ACAT2: variants seen among roughly 807,000 people sequenced by gnomAD.
The protein encoded by ACAT2 is acetyl-CoA acetyltransferase, cytosolic.
A neutral mutation model predicts 37.1 loss-of-function variants in ACAT2; 26 were observed. That is an observed-to-expected ratio of 0.70 (90% CI 0.51 to 0.97). ACAT2 has a LOEUF of 0.97. Among genes scored for constraint, ACAT2 ranks in the 50% least tolerant of loss-of-function variants. ACAT2 has a pLI of 0.00. For missense variants in ACAT2, 468 were observed against 489.0 expected (o/e 0.96, Z 0.40); for synonymous variants, 156 against 163.6 (o/e 0.95, Z 0.35).
rs753161802 is a variant in ACAT2 at position 159,763,059 on chromosome 6, T to C, written c.190+6T>C. ...TGGACATGTCTTGGCAGCAGGTAAGTCTCAGTGATTCCAGGAGAAGTCAGG... is the reference window on the plus strand; with the variant it reads ...TGGACATGTCTTGGCAGCAGGTAAGCCTCAGTGATTCCAGGAGAAGTCAGG... On this transcript the variant is annotated splice_donor_region_variant and intron_variant, in intron 2 of 8. Coordinates refer to ENST00000367048, the MANE Select transcript of ACAT2 (RefSeq NM_005891.3). The C allele has an allele frequency of 1.2e-6, 2 of 1,607,160 alleles. No individual in the cohort carries two copies. The highest frequency in any genetic ancestry group is 1.7e-6 in the Non-Finnish European group (2 of 1,177,146).
chr6:159,769,198 A>C (rs1212953021), intron 4 of ACAT2, among the ~76,000 whole-genome samples: 2 of 152,240 alleles, frequency 1.3e-5, no homozygotes, highest in Non-Finnish European at 2.9e-5. Context: ...GAAAAAGGTA[A>C]TGGGGAAAAG....
Position 159,778,857 on chromosome 6 carries a change from T to G in ACAT2, c.*28T>G. On this transcript the variant is annotated 3_prime_UTR_variant, in exon 9 of 9. Coordinates refer to ENST00000367048, the MANE Select transcript of ACAT2 (RefSeq NM_005891.3). ...TGCTTAAACTTTGAACAACCTCAAT[T>G]TCTTTTTAAACTAATAAAGTACTAG... 6.2e-7 allele frequency: 1 copy of G among 1,613,654 alleles called. No homozygotes were observed. Among genetic ancestry groups the G allele is most frequent in the Non-Finnish European group, 8.5e-7 (1 of 1,179,632 alleles).
Position 159,778,973 on chromosome 6 carries a change from T to G in ACAT2, c.*144T>G. On this transcript the variant is annotated 3_prime_UTR_variant, in exon 9 of 9. Transcript: ENST00000367048. ...CAAGTTTACAGCTTGTACTTTACTT[T>G]AATGTGTAATACTCAACTCAAGGTA... 5 of 1,560,702 alleles carry G rather than the reference T, an allele frequency of 3.2e-6. No homozygotes were observed. The highest frequency in any genetic ancestry group is 4.4e-6 in the Non-Finnish European group (5 of 1,144,848).
Position 159,777,324 on chromosome 6 carries a change from T to C in ACAT2, c.780T>C (p.Ala260=), listed in dbSNP as rs1562480008. 1 of 1,613,762 alleles carries C rather than the reference T, an allele frequency of 6.2e-7. No individual in the cohort carries two copies. Among genetic ancestry groups the C allele is most frequent in the Non-Finnish European group, 8.5e-7 (1 of 1,179,872 alleles). ...NASGINDGAA[A]VVLMKKSEAD... ...CAGGAATAAATGATGGTGCTGCAGC[T>C]GTCGTTCTTATGAAGAAGTCAGAAG... The change falls in exon 7 of 9, where the codon GCT becomes GCC. Residue 260 remains alanine (A), a synonymous_variant. Coordinates refer to ENST00000367048, the MANE Select transcript of ACAT2 (RefSeq NM_005891.3).
At chr6:159,765,812 C>T (rs566323975) in intron 2 of ACAT2, among the ~76,000 whole-genome samples, 8 of 152,272 alleles carry the variant, frequency 5.3e-5, no homozygotes, top group Admixed American at 2.0e-4. Flanking sequence ...TAACCTTACC[C>T]GTTTTTAGTT....
Position 159,762,115 on chromosome 6 carries a change from ATCG to A in ACAT2, c.31_33del (p.Val11del). 1.9e-6 allele frequency: 3 copies of A among 1,612,956 alleles called. No homozygotes were observed. Among genetic ancestry groups the A allele is most frequent in the Non-Finnish European group, 8.5e-7 (1 of 1,179,522 alleles). ...GAATGCAGGCTCAGATCCTGTGGTC[ATCG>A]TCTCGGCGGCGCGGACCATCATAGG... On this transcript the variant is annotated inframe_deletion, in exon 1 of 9. Transcript: ENST00000367048.
chr6:159,773,490 T>A (rs2114982600), intron 4 of ACAT2, among the ~76,000 whole-genome samples: 1 of 152,270 alleles, frequency 6.6e-6, no homozygotes, highest in Middle Eastern at 3.4e-3. Context: ...AGGGACATGT[T>A]GAAAGCACAC....
At position 159,765,209 on chromosome 6, in the gene ACAT2, G is replaced by A. The variant is rs189591574; in HGVS notation, c.191-1796G>A. ...TGGCTCACTGCAACCTCTGCCTCCCGGGTTCCAGTGATTCTTCTGCCTCAG... is the reference window on the plus strand; with the variant it reads ...TGGCTCACTGCAACCTCTGCCTCCCAGGTTCCAGTGATTCTTCTGCCTCAG... On this transcript the variant is annotated intron_variant, in intron 2 of 8. Coordinates refer to ENST00000367048, the MANE Select transcript of ACAT2 (RefSeq NM_005891.3). Among the ~76,000 whole-genome samples the A allele has an allele frequency of 4.2e-3, 638 of 151,886 alleles. 3 individuals are homozygous for A. The highest frequency in any genetic ancestry group is 6.5e-3 in the Non-Finnish European group (444 of 67,946).
intron 3 of ACAT2, 109 bp from the exon 4 acceptor site, chr6:159,768,402 A>C (rs952737357): frequency 4.9e-6 from 4 of 813,112 alleles, no homozygotes; most frequent in Non-Finnish European, 8.3e-6. Flanking sequence ...GAAGGGCTGC[A>C]AAGGGGCCTA....
At chr6:159,777,271 T>C in intron 6 of ACAT2, 31 bp from the exon 7 acceptor site, 1 of 1,601,076 alleles carries the variant, frequency 6.2e-7, no homozygotes, top group South Asian at 1.1e-5. Flanking sequence ...TTAATAAGCA[T>C]GGTAGAAATT....
At chr6:159,767,719 C>T (rs1298432435) in intron 3 of ACAT2, among the ~76,000 whole-genome samples, 1 of 152,158 alleles carries the variant, frequency 6.6e-6, no homozygotes, top group Non-Finnish European at 1.5e-5. Context: ...AAACTATACC[C>T]CCTGCTTCCT....
At chr6:159,770,482 T>C (rs1780318038) in intron 4 of ACAT2, among the ~76,000 whole-genome samples, 1 of 152,182 alleles carries the variant, frequency 6.6e-6, no homozygotes, top group Non-Finnish European at 1.5e-5. Flanking sequence ...ATAGAAATTC[T>C]AGAACTTGCA....
chr6:159,776,183 G>A lies in ACAT2; in HGVS notation c.668G>A (p.Arg223His), dbSNP rs747254833. 13 of 1,613,792 alleles carry A rather than the reference G, an allele frequency of 8.1e-6. No individual in the cohort carries two copies. The highest frequency in any genetic ancestry group is 4.5e-5 in the East Asian group (2 of 44,890). The change falls in exon 6 of 9, where the codon CGC (arginine) becomes CAC (histidine). Residue 223 changes from arginine to histidine, a missense_variant. Coordinates refer to ENST00000367048, the MANE Select transcript of ACAT2 (RefSeq NM_005891.3). ...GAAGTTAAAACAGATGAGTTTCCTC[G>A]CCATGGGAGCAACATAGAAGCCATG... is the stretch of plus-strand genomic sequence containing the variant. ...LIEVKTDEFP[R>H]HGSNIEAMSK...
intron 4 of ACAT2, among the ~76,000 whole-genome samples, chr6:159,770,043 A>G (rs1478457353): frequency 6.6e-6 from 1 of 152,230 alleles, no homozygotes; most frequent in African/African-American, 2.4e-5. Flanking sequence ...ACATCTCAGA[A>G]AGACCACAGT....
Position 159,762,110 on chromosome 6 carries a change from T to C in ACAT2, c.23T>C (p.Val8Ala). Reference sequence around the variant, plus strand: ...AAGATGAATGCAGGCTCAGATCCTGTGGTCATCGTCTCGGCGGCGCGGACC... The same window carrying C: ...AAGATGAATGCAGGCTCAGATCCTGCGGTCATCGTCTCGGCGGCGCGGACC... MNAGSDP[V>A]VIVSAARTII... Residue 8 changes from valine (V) to alanine (A), a missense_variant, in exon 1 of 9, where the codon GTG (valine) becomes GCG (alanine). Coordinates refer to ENST00000367048, the MANE Select transcript of ACAT2 (RefSeq NM_005891.3). 1 of 1,613,062 alleles carries C rather than the reference T, an allele frequency of 6.2e-7. No homozygotes were observed. The highest frequency in any genetic ancestry group is 8.5e-7 in the Non-Finnish European group (1 of 1,179,558).
intron 5 of ACAT2, 184 bp from the exon 6 acceptor site, chr6:159,775,966 A>T: frequency 1.7e-6 from 1 of 599,892 alleles, no homozygotes; most frequent in South Asian, 2.1e-5. Flanking sequence ...ACATACTCAT[A>T]AATTGTTTTC....
At chr6:159,778,423 T>TAAAA (rs1562480807) in intron 8 of ACAT2, 143 bp downstream of exon 8, 21 of 84,146 alleles carry the variant, frequency 2.5e-4, no homozygotes, top group South Asian at 2.3e-3. Context: ...TTCCCAAGGT[T>TAAAA]TAAAAAAAAA....
In ACAT2 at chr6:159,776,152, C is replaced by G. The variant is rs753830639; in HGVS notation, c.637C>G (p.Leu213Val). The G allele has an allele frequency of 3.1e-6, 5 of 1,613,586 alleles. No individual in the cohort carries two copies. Among genetic ancestry groups the G allele is most frequent in the Non-Finnish European group, 3.4e-6 (4 of 1,179,824 alleles). Residue 213 changes from leucine (L) to valine (V), a missense_variant and splice_region_variant, in exon 6 of 9, where the codon CTT (leucine) becomes GTT (valine). Transcript: ENST00000367048. The stretch of plus-strand genomic sequence containing the variant: ...GTAATTGGTTTTCCTTTGCTTAGGT[C>G]TTATTGAAGTTAAAACAGATGAGTT... ...VPVLVSTRKG[L>V]IEVKTDEFPR...
At position 159,777,285 on chromosome 6, in the gene ACAT2, T is replaced by A; in HGVS notation, c.758-17T>A. 2 of 1,606,654 alleles carry A rather than the reference T, an allele frequency of 1.2e-6. No individual in the cohort carries two copies. Among genetic ancestry groups the A allele is most frequent in the Non-Finnish European group, 1.7e-6 (2 of 1,176,970 alleles). ...GTTAATAAGCATGGTAGAAATTAAG[T>A]CACTCATATTTTACAGGAATAAATG... On this transcript the variant is annotated splice_polypyrimidine_tract_variant and intron_variant, in intron 6 of 8. Coordinates refer to ENST00000367048, the MANE Select transcript of ACAT2 (RefSeq NM_005891.3).
Sources: gnomAD v4.1 joint callset for allele counts (sites outside exome capture counted in the v4.1 genomes callset) on GRCh38, gnomAD v4.1.1 for gene constraint, MANE v1.5 for transcripts, NCBI Gene and HGNC (gene_info 2026-07-23, HGNC 2026-07-21) for gene names.